The following PCDHGA4 variants were observed in gnomAD, a reference collection of about 807,000 sequenced individuals.
PCDHGA4 encodes the protein protocadherin gamma subfamily A, 4, also known as protocadherin gamma-A4.
Under a neutral mutation model 54.6 loss-of-function variants are expected in PCDHGA4, and 38 were observed. The observed-to-expected ratio is 0.70, with a 90% CI of 0.54 to 0.91. PCDHGA4 has a LOEUF of 0.91. Among genes scored for constraint, PCDHGA4 ranks in the 40% least tolerant of loss-of-function variants. The pLI is 0.00. For synonymous variants in PCDHGA4, 511 were observed against 512.9 expected, an observed-to-expected ratio of 1.00 and a Z score of 0.05; for missense variants, 1,298 against 1,220.9, an observed-to-expected ratio of 1.06 and a Z score of -0.94.
In PCDHGA4 at chr5:141,364,445, C is replaced by A. The variant is rs1369788855; in HGVS notation, c.2514+6824C>A. The A allele has an allele frequency of 4.3e-6, 7 of 1,613,802 alleles. No individual in the cohort carries two copies. Among genetic ancestry groups the A allele is most frequent in the Non-Finnish European group, 5.9e-6 (7 of 1,179,850 alleles). The stretch of plus-strand genomic sequence containing the variant: ...GATCCGCTACTCGATGCCGGAGGAG[C>A]TGGACAAAGGCTCCTTCGTCGGCAA... On this transcript the variant is annotated intron_variant, in intron 1 of 3. Transcript: ENST00000571252.
intron 1 of PCDHGA4, among the ~76,000 whole-genome samples, chr5:141,472,677 C>T (rs1275941416): frequency 6.6e-6 from 1 of 151,658 alleles, no homozygotes; most frequent in Non-Finnish European, 1.5e-5. Context: ...ACTGGTCCTT[C>T]CATTTCCCCT....
At chr5:141,396,797 T>C (rs1043872860) in intron 1 of PCDHGA4, among the ~76,000 whole-genome samples, 1 of 152,182 alleles carries the variant, frequency 6.6e-6, no homozygotes, top group Non-Finnish European at 1.5e-5. Context: ...TTCCTAAGGA[T>C]TGTGTAGTGT....
intron 1 of PCDHGA4, among the ~76,000 whole-genome samples, chr5:141,407,095 T>C (rs1242751445): frequency 6.6e-6 from 1 of 152,370 alleles, no homozygotes; most frequent in East Asian, 1.9e-4. Flanking sequence ...ATTGTTTTAT[T>C]TGTTTGTAAT....
At chr5:141,414,458 C>T (rs2095749873) in intron 1 of PCDHGA4, 9 of 1,613,698 alleles carry the variant, frequency 5.6e-6, no homozygotes, top group Non-Finnish European at 6.8e-6. Flanking sequence ...ACAGTGACAG[C>T]CACAGATGGG....
intron 1 of PCDHGA4, chr5:141,396,465 C>T (rs1471669939): frequency 6.6e-6 from 1 of 152,072 alleles, no homozygotes; most frequent in African/African-American, 2.4e-5. Flanking sequence ...CTAAAAACTA[C>T]AAAAATTAGC....
intron 1 of PCDHGA4, chr5:141,423,202 G>T: frequency 6.2e-7 from 1 of 1,613,618 alleles, no homozygotes; most frequent in Non-Finnish European, 8.5e-7. Flanking sequence ...CTCGGCCACC[G>T]TCACGCTCAC....
chr5:141,434,747 C>T (rs2097714000), intron 1 of PCDHGA4, among the ~76,000 whole-genome samples: 1 of 151,606 alleles, frequency 6.6e-6, no homozygotes, highest in South Asian at 2.1e-4. Flanking sequence ...GCTATGAGAC[C>T]CCTGATTCCC....
At chr5:141,385,088 G>A in intron 1 of PCDHGA4, 2 of 1,614,226 alleles carry the variant, frequency 1.2e-6, no homozygotes, top group Non-Finnish European at 1.7e-6. Flanking sequence ...GCTTCAGAAG[G>A]TGGCTTGGCG....
chr5:141,431,768 G>T lies in PCDHGA4; in HGVS notation c.2515-63039G>T. 6.2e-7 allele frequency: 1 copy of T among 1,614,218 alleles called. No individual in the cohort carries two copies. The highest frequency in any genetic ancestry group is 8.5e-7 in the Non-Finnish European group (1 of 1,180,036). On this transcript the variant is annotated intron_variant, in intron 1 of 3. Coordinates refer to ENST00000571252, the MANE Select transcript of PCDHGA4 (RefSeq NM_018917.4). The surrounding 1 kb of genome is among the most constrained non-coding windows in gnomAD (Gnocchi z 4.8). ...TGCGCGAGCCAAAGTCCTGATCACT[G>T]TTCTGGACGTGAACGACAATGCCCC...
intron 1 of PCDHGA4, chr5:141,388,368 A>G (rs1420676769): frequency 1.2e-6 from 2 of 1,614,026 alleles, no homozygotes; most frequent in Admixed American, 3.3e-5. Context: ...TGATGCGGAT[A>G]TTGGTAGCAA....
intron 1 of PCDHGA4, among the ~76,000 whole-genome samples, chr5:141,457,632 G>A (rs919693977): frequency 6.6e-6 from 1 of 152,142 alleles, no homozygotes; most frequent in African/African-American, 2.4e-5. Flanking sequence ...CTTATACTTG[G>A]CCTGATTATT....
chr5:141,414,909 C>T (rs1230113440), intron 1 of PCDHGA4: 10 of 1,614,102 alleles, frequency 6.2e-6, no homozygotes, highest in Admixed American at 1.7e-5. Context: ...GTTCCACAGG[C>T]GTGGAGCTGG....
At position 141,489,074 on chromosome 5, in the gene PCDHGA4, C is replaced by A; in HGVS notation, c.2515-5733C>A. On this transcript the variant is annotated intron_variant, in intron 1 of 3. Coordinates refer to ENST00000571252, the MANE Select transcript of PCDHGA4 (RefSeq NM_018917.4). The surrounding 1 kb of genome is among the most constrained non-coding windows in gnomAD (Gnocchi z 4.5). ...TTCAGCTCCCCTCCCCCCTGCCCAC[C>A]CCCGCCACTCGGTGACTAAGAACTG... 9.4e-6 allele frequency: 3 copies of A among 320,798 alleles called. No individual in the cohort carries two copies. The highest frequency in any genetic ancestry group is 1.7e-5 in the Non-Finnish European group (3 of 177,744). 19.9% of individuals were successfully genotyped at this position (320,798 alleles called of 1,614,324 possible). A position where few individuals can be genotyped will look rare whatever the true frequency, so the allele number is the denominator to read the frequency against.
Position 141,408,587 on chromosome 5 carries a change from C to A in PCDHGA4, c.2514+50966C>A, listed in dbSNP as rs768912219. 3 of 1,613,898 alleles carry A rather than the reference C, an allele frequency of 1.9e-6. No homozygotes were observed. The South Asian group carries it at 3.3e-5, about 18-fold the overall frequency. ...TGTGGTGATTGAGGATGTTAATGACCACGCCCCTCAATTTGATAAAAAGGA... is the reference window on the plus strand; with the variant it reads ...TGTGGTGATTGAGGATGTTAATGACAACGCCCCTCAATTTGATAAAAAGGA... On this transcript the variant is annotated intron_variant, in intron 1 of 3. Transcript: ENST00000571252.
At chr5:141,443,442 C>T (rs571341362) in intron 1 of PCDHGA4, among the ~76,000 whole-genome samples, 9 of 152,202 alleles carry the variant, frequency 5.9e-5, no homozygotes, top group East Asian at 1.9e-4. Context: ...GCTGTGGTTG[C>T]GCTCCTGTAC....
rs779292483 is a variant in PCDHGA4 at position 141,491,102 on chromosome 5, T to C, written c.2515-3705T>C. The C allele has an allele frequency of 6.2e-7, 1 of 1,614,152 alleles. No individual in the cohort carries two copies. Among genetic ancestry groups the C allele is most frequent in the Non-Finnish European group, 8.5e-7 (1 of 1,180,006 alleles). ...TCCACAGCCCCAGGACTGTTCCTCG[T>C]GTCTACACACACTGGTGAGGTGCGC... On this transcript the variant is annotated intron_variant, in intron 1 of 3. Transcript: ENST00000571252. This position sits in a 1 kb window ranked among gnomAD's most constrained non-coding sequence, Gnocchi z 6.9.
rs2099669219 is a variant in PCDHGA4, at chr5:141,487,927, C to T, written c.2515-6880C>T. 3 of 626,498 alleles carry T rather than the reference C, an allele frequency of 4.8e-6. No homozygotes were observed. Among genetic ancestry groups the T allele is most frequent in the Admixed American group, 5.9e-5 (2 of 34,100 alleles). The allele number at this position is 626,498 out of a possible 1,614,324, so 38.8% of individuals were successfully genotyped here. On this transcript the variant is annotated intron_variant, in intron 1 of 3. Coordinates refer to ENST00000571252, the MANE Select transcript of PCDHGA4 (RefSeq NM_018917.4). The surrounding 1 kb of genome is among the most constrained non-coding windows in gnomAD (Gnocchi z 5.0). ...TGGGAGCACAGGAGGCTACAGTGCA[C>T]AGGGTACAGTGCACCAGGCAGTCAC...
chr5:141,390,526 T>C, intron 1 of PCDHGA4: 1 of 548,274 alleles, frequency 1.8e-6, no homozygotes, highest in East Asian at 3.2e-5. Context: ...AATGAGGGTG[T>C]GGTTTTAACC....
chr5:141,405,533 C>T (rs2094681755), intron 1 of PCDHGA4: 2 of 648,174 alleles, frequency 3.1e-6, no homozygotes. Context: ...GATTCTCCTG[C>T]CTCAGCCTCC....
Sources: allele counts gnomAD v4.1 joint callset (sites outside exome capture counted in the v4.1 genomes callset), GRCh38; gene constraint gnomAD v4.1.1; non-coding constraint Gnocchi (gnomAD v3.1); transcripts MANE v1.5; gene names NCBI Gene and HGNC (gene_info 2026-07-23, HGNC 2026-07-21).